Variants in ANKRD13B observed in about 807,000 individuals in gnomAD.
ANKRD13B encodes the protein ankyrin repeat domain 13B, also known as ankyrin repeat domain-containing protein 13B.
ANKRD13B carries 33 observed loss-of-function variants against 74.4 expected under a neutral mutation model. The ratio of observed to expected loss-of-function variants is 0.44; its 90% CI spans 0.34 to 0.59. ANKRD13B has a LOEUF of 0.59. ANKRD13B is among the 20% of genes least tolerant of loss of function. ANKRD13B has a pLI of 0.02. For synonymous variants in ANKRD13B, 341 were observed against 362.9 expected (o/e 0.94, Z 0.68); for missense variants, 676 against 877.9 (o/e 0.77, Z 2.91).
intron 1 of ANKRD13B, among the ~76,000 whole-genome samples, chr17:29,604,210 T>C (rs895924487): frequency 1.3e-5 from 2 of 152,034 alleles, no homozygotes; most frequent in African/African-American, 4.8e-5. Context: ...TTTGACCTTT[T>C]TGAGGCTTTT....
rs947075623 is a variant in ANKRD13B, at chr17:29,608,840, G to A, written c.422-11G>A. 2.2e-5 allele frequency: 35 copies of A among 1,613,954 alleles called. No individual in the cohort carries two copies. The highest frequency in any genetic ancestry group is 2.8e-5 in the Non-Finnish European group (33 of 1,179,968). Reference sequence around the variant, plus strand: ...CCAGTCAAAGCCACCTCCAACCTCCGCTTCCACCAGTGCCCCTGGTGTCCA... The same window carrying A: ...CCAGTCAAAGCCACCTCCAACCTCCACTTCCACCAGTGCCCCTGGTGTCCA... On this transcript the variant is annotated splice_polypyrimidine_tract_variant and intron_variant, in intron 4 of 14. Coordinates refer to ENST00000394859, the MANE Select transcript of ANKRD13B (RefSeq NM_152345.5). This position sits in a 1 kb window ranked among gnomAD's most constrained non-coding sequence, Gnocchi z 6.4.
intron 1 of ANKRD13B, among the ~76,000 whole-genome samples, chr17:29,596,041 AGT>A (rs1282556492): frequency 1.3e-5 from 2 of 151,960 alleles, no homozygotes; most frequent in Non-Finnish European, 2.9e-5. Flanking sequence ...CCTGGCCTCT[AGT>A]CCCCCTGGTA....
intron 1 of ANKRD13B, among the ~76,000 whole-genome samples, chr17:29,601,350 T>G (rs1318060730): frequency 6.6e-6 from 1 of 151,990 alleles, no homozygotes; most frequent in Non-Finnish European, 1.5e-5. Context: ...GCCTCCCTAG[T>G]AGCTGGGATT....
rs189657752 is a variant in ANKRD13B, at chr17:29,611,128, C to T, written c.904+362C>T. On this transcript the variant is annotated intron_variant, in intron 8 of 14. Transcript: ENST00000394859. This position sits in a 1 kb window ranked among gnomAD's most constrained non-coding sequence, Gnocchi z 4.3. ...GGACCTTGCCACAGATTCTGTATGC[C>T]CATTGATGCCACACCTGATTCTCTG... 5.9e-5 allele frequency among the ~76,000 whole-genome samples: 9 copies of T among 152,116 alleles called. No homozygotes were observed. Among genetic ancestry groups the T allele is most frequent in the African/African-American group, 1.2e-4 (5 of 41,410 alleles).
In ANKRD13B at chr17:29,608,502, C is replaced by T; in HGVS notation, c.421+262C>T. The T allele has an allele frequency of 3.4e-6, 2 of 582,770 alleles. No individual in the cohort carries two copies. The highest frequency in any genetic ancestry group is 3.0e-6 in the Non-Finnish European group (1 of 333,070). The allele number at this position is 582,770 out of a possible 1,614,324, so 36.1% of individuals were successfully genotyped here. ...TGTTAGAAGGTAAGCTCTGAGAGGG[C>T]AGGAGTCCTGTCTTTTTCACTGTTG... is the stretch of plus-strand genomic sequence containing the variant. On this transcript the variant is annotated intron_variant, in intron 4 of 14. Coordinates refer to ENST00000394859, the MANE Select transcript of ANKRD13B (RefSeq NM_152345.5). The surrounding 1 kb of genome is among the most constrained non-coding windows in gnomAD (Gnocchi z 6.4).
intron 1 of ANKRD13B, among the ~76,000 whole-genome samples, chr17:29,603,697 T>TA (rs2034260466): frequency 2.0e-5 from 3 of 152,198 alleles, no homozygotes; most frequent in African/African-American, 4.8e-5. Context: ...TTACTGTACT[T>TA]ACTATCTTTA....
At position 29,593,312 on chromosome 17, in the gene ANKRD13B, C is replaced by G. The variant is rs1401973158; in HGVS notation, c.-310C>G. Among the ~76,000 whole-genome samples, 10 of 148,162 alleles carry G rather than the reference C, an allele frequency of 6.7e-5. No individual in the cohort carries two copies. The East Asian group carries it at 7.9e-4, about 12-fold the overall frequency. On this transcript the variant is annotated 5_prime_UTR_variant, in exon 1 of 15. Coordinates refer to ENST00000394859, the MANE Select transcript of ANKRD13B (RefSeq NM_152345.5). ...GGCGCCTGCTCCCTCCGCCGAGCGG[C>G]GTCTTTGTGTGCGGGGGTGTGGGAG...
At chr17:29,603,090 C>G (rs572467702) in intron 1 of ANKRD13B, among the ~76,000 whole-genome samples, 1 of 152,336 alleles carries the variant, frequency 6.6e-6, no homozygotes, top group African/African-American at 2.4e-5. Context: ...ATGTTGTGAT[C>G]CACCCGCCTT....
intron 1 of ANKRD13B, among the ~76,000 whole-genome samples, chr17:29,603,303 G>C (rs374863654): frequency 2.0e-5 from 3 of 152,026 alleles, no homozygotes; most frequent in African/African-American, 7.2e-5. Flanking sequence ...GTGCAGTGGC[G>C]TGATCATAGC....
intron 1 of ANKRD13B, among the ~76,000 whole-genome samples, chr17:29,601,380 C>A (rs1488409306): frequency 6.6e-6 from 1 of 152,046 alleles, no homozygotes; most frequent in East Asian, 1.9e-4. Flanking sequence ...CCCCACCACG[C>A]CCAGCTAATT....
chr17:29,593,805 G>A, intron 1 of ANKRD13B, 70 bp downstream of exon 1: 1 of 948,230 alleles, frequency 1.1e-6, no homozygotes, highest in Non-Finnish European at 1.4e-6. Flanking sequence ...GGGAGGGGGT[G>A]CGGCGCGGGC....
In ANKRD13B at chr17:29,608,790, G is replaced by C; in HGVS notation, c.422-61G>C. 6.2e-7 allele frequency: 1 copy of C among 1,603,052 alleles called. No individual in the cohort carries two copies. The highest frequency in any genetic ancestry group is 8.5e-7 in the Non-Finnish European group (1 of 1,173,110). On this transcript the variant is annotated intron_variant, in intron 4 of 14. Transcript: ENST00000394859. This position sits in a 1 kb window ranked among gnomAD's most constrained non-coding sequence, Gnocchi z 6.4. The stretch of plus-strand genomic sequence containing the variant: ...ACGGATCCCAAACCCCATGCCCTGA[G>C]CTGGTCCAGGCCGTGTAGGCCAGAC...
At chr17:29,596,929 T>G (rs528082605) in intron 1 of ANKRD13B, among the ~76,000 whole-genome samples, 1 of 152,052 alleles carries the variant, frequency 6.6e-6, no homozygotes, top group Non-Finnish European at 1.5e-5. Context: ...GAGGGAGAAG[T>G]CCAGGGTGCG....
chr17:29,612,689 C>G lies in ANKRD13B; in HGVS notation c.1449C>G (p.Phe483Leu), dbSNP rs1336820028. The change falls in exon 13 of 15, where the codon TTC becomes TTG. Residue 483 changes from phenylalanine (F) to leucine (L), a missense_variant. Phe to Leu is a conservative substitution (Grantham distance 22). This residue lies in a region of ANKRD13B where 152 missense variants were observed against 181.4 expected (regional missense o/e 0.84). Coordinates refer to ENST00000394859, the MANE Select transcript of ANKRD13B (RefSeq NM_152345.5). This position sits in a 1 kb window ranked among gnomAD's most constrained non-coding sequence, Gnocchi z 6.1. The part of the protein sequence containing the change: ...CRGCEISPAL[F>L]EAPRGYSMMG... ...GCTGCGAGATCTCCCCAGCGTTGTT[C>G]GAGGCCCCGCGCGGCTACAGCATGA... 3.1e-6 allele frequency: 5 copies of G among 1,589,878 alleles called. No homozygotes were observed. Among genetic ancestry groups the G allele is most frequent in the Non-Finnish European group, 4.3e-6 (5 of 1,174,130 alleles).
intron 1 of ANKRD13B, among the ~76,000 whole-genome samples, chr17:29,601,034 C>T (rs1389959328): frequency 6.7e-6 from 1 of 149,416 alleles, no homozygotes; most frequent in African/African-American, 2.5e-5. Flanking sequence ...AAGGGATCCT[C>T]CCACCTCAGC....
Position 29,611,565 on chromosome 17 carries a change from C to T in ANKRD13B, c.905-14C>T, listed in dbSNP as rs1467188654. On this transcript the variant is annotated splice_polypyrimidine_tract_variant and intron_variant, in intron 8 of 14. Transcript: ENST00000394859. This position sits in a 1 kb window ranked among gnomAD's most constrained non-coding sequence, Gnocchi z 4.3. ...GGAGTTGCGGTGTCCTCTGAGATGC[C>T]ACATTTCTTGTAGGCTGTAAGACAC... 1.2e-6 allele frequency: 2 copies of T among 1,614,014 alleles called. No homozygotes were observed. The highest frequency in any genetic ancestry group is 2.2e-5 in the South Asian group (2 of 91,084).
At position 29,612,655 on chromosome 17, in the gene ANKRD13B, C is replaced by G; in HGVS notation, c.1415C>G (p.Ser472Cys). The G allele has an allele frequency of 1.3e-6, 2 of 1,547,160 alleles. No homozygotes were observed. The highest frequency in any genetic ancestry group is 1.7e-6 in the Non-Finnish European group (2 of 1,152,800). The change falls in exon 13 of 15, where the codon TCC becomes TGC. Residue 472 changes from serine to cysteine, a missense_variant. Physicochemically the swap from Ser to Cys is moderately radical, Grantham distance 112. Transcript: ENST00000394859. This position sits in a 1 kb window ranked among gnomAD's most constrained non-coding sequence, Gnocchi z 6.1. Reference protein sequence around the residue: ...SSVSSSSSTTSCRGCEISPAL... With the variant: ...SSVSSSSSTTCCRGCEISPAL... ...GACCCAGCCCCCGCGCCCCCAGCCT[C>G]CTGCCGCGGCTGCGAGATCTCCCCA...
Position 29,609,352 on chromosome 17 carries a change from C to CA in ANKRD13B, c.756-2dup, listed in dbSNP as rs2034499170. ...CCTCACCTGGACCACTCTGCTTCCC[C>CA]AGGAACAAGACTGGCATCCTGGGCT... is the stretch of plus-strand genomic sequence containing the variant. On this transcript the variant is annotated splice_polypyrimidine_tract_variant and splice_region_variant and intron_variant, in intron 6 of 14. Transcript: ENST00000394859. The surrounding 1 kb of genome is among the most constrained non-coding windows in gnomAD (Gnocchi z 4.0). 6.2e-7 allele frequency: 1 copy of CA among 1,613,438 alleles called. No homozygotes were observed. The highest frequency in any genetic ancestry group is 1.1e-5 in the South Asian group (1 of 91,062).
intron 1 of ANKRD13B, among the ~76,000 whole-genome samples, chr17:29,596,839 ACAAACC>A (rs1287587139): frequency 6.6e-6 from 1 of 152,212 alleles, no homozygotes; most frequent in Non-Finnish European, 1.5e-5. Flanking sequence ...AGAGGGAGCC[ACAAACC>A]CCAGAAACCA....
Sources: gnomAD v4.1 joint callset for allele counts (sites outside exome capture counted in the v4.1 genomes callset) on GRCh38, gnomAD v4.1.1 for gene constraint, gnomAD v4.1.1 regional missense constraint, Gnocchi (gnomAD v3.1) non-coding constraint, MANE v1.5 for transcripts, NCBI Gene and HGNC (gene_info 2026-07-23, HGNC 2026-07-21) for gene names.